The following NANP variants were observed in gnomAD, a reference collection of about 807,000 sequenced individuals.
NANP encodes the protein N-acylneuraminate-9-phosphatase.
Under a neutral mutation model 16.9 loss-of-function variants are expected in NANP, and 15 were observed. That is an observed-to-expected ratio of 0.89 (90% CI 0.59 to 1.37). NANP has a LOEUF of 1.37. Among genes scored for constraint, NANP ranks in the 40% most tolerant of loss-of-function variants. The pLI is 0.00. For synonymous variants in NANP, 135 were observed against 112.6 expected, an observed-to-expected ratio of 1.20 and a Z score of -1.26; for missense variants, 290 against 303.5, an observed-to-expected ratio of 0.96 and a Z score of 0.33.
chr20:25,621,346 CT>C (rs1224187674), intron 1 of NANP, among the ~76,000 whole-genome samples: 3 of 152,196 alleles, frequency 2.0e-5, no homozygotes, highest in Admixed American at 6.5e-5. Context: ...GAAATCTCTT[CT>C]GCTTTGTTCA....
chr20:25,623,909 C>A lies in NANP; in HGVS notation c.40G>T (p.Asp14Tyr). 1 of 1,613,548 alleles carries A rather than the reference C, an allele frequency of 6.2e-7. No individual in the cohort carries two copies. Among genetic ancestry groups the A allele is most frequent in the Non-Finnish European group, 8.5e-7 (1 of 1,179,738 alleles). Residue 14 changes from aspartate (D) to tyrosine (Y), a missense_variant, in exon 1 of 2, where the codon GAC (aspartate) becomes TAC (tyrosine). Asp to Tyr is a radical substitution (Grantham distance 160, BLOSUM62 -3). Coordinates refer to ENST00000304788, the MANE Select transcript of NANP (RefSeq NM_152667.3). Reference sequence around the variant, plus strand: ...CCGGCCGTGTCGATGAGAGTGTTGTCCAAGTCAAAGAAAACCGCCCGCACG... The same window carrying A: ...CCGGCCGTGTCGATGAGAGTGTTGTACAAGTCAAAGAAAACCGCCCGCACG... ...SRVRAVFFDLDNTLIDTAGAS... is the reference protein window; with the variant it reads ...SRVRAVFFDLYNTLIDTAGAS...
chr20:25,617,478 T>G (rs1282657017), intron 1 of NANP, among the ~76,000 whole-genome samples: 1 of 151,980 alleles, frequency 6.6e-6, no homozygotes. Flanking sequence ...TCCAAATTAC[T>G]AGGATTACAG....
Position 25,623,885 on chromosome 20 carries a change from C to A in NANP, c.64G>T (p.Gly22Trp), listed in dbSNP as rs1197989247. The A allele has an allele frequency of 6.2e-7, 1 of 1,613,640 alleles. No homozygotes were observed. The highest frequency in any genetic ancestry group is 8.5e-7 in the Non-Finnish European group (1 of 1,179,794). The change falls in exon 1 of 2, where the codon GGG becomes TGG. Residue 22 changes from glycine to tryptophan, a missense_variant. Gly to Trp is a radical substitution (Grantham distance 184, BLOSUM62 -2). Coordinates refer to ENST00000304788, the MANE Select transcript of NANP (RefSeq NM_152667.3). ...TCCAACATGCCTCTCCTGCTCGCCCCGGCCGTGTCGATGAGAGTGTTGTCC... is the reference window on the plus strand; with the variant it reads ...TCCAACATGCCTCTCCTGCTCGCCCAGGCCGTGTCGATGAGAGTGTTGTCC... ...DLDNTLIDTAGASRRGMLEVI... is the reference protein window; with the variant it reads ...DLDNTLIDTAWASRRGMLEVI...
chr20:25,621,883 T>G (rs1041494844), intron 1 of NANP, among the ~76,000 whole-genome samples: 13 of 152,196 alleles, frequency 8.5e-5, no homozygotes, highest in African/African-American at 3.1e-4. Flanking sequence ...TGATTTGTAA[T>G]TATAAAGGAG....
rs1264947122 is a variant in NANP at position 25,623,880 on chromosome 20, C to T, written c.69G>A (p.Ala23=). The change falls in exon 1 of 2, where the codon GCG becomes GCA. Residue 23 remains alanine, a synonymous_variant. Coordinates refer to ENST00000304788, the MANE Select transcript of NANP (RefSeq NM_152667.3). ...TTACCTCCAACATGCCTCTCCTGCT[C>T]GCCCCGGCCGTGTCGATGAGAGTGT... is the stretch of plus-strand genomic sequence containing the variant. ...LDNTLIDTAG[A]SRRGMLEVIK... 2 of 1,613,642 alleles carry T rather than the reference C, an allele frequency of 1.2e-6. No individual in the cohort carries two copies. Among genetic ancestry groups the T allele is most frequent in the African/African-American group, 1.3e-5 (1 of 75,040 alleles).
At chr20:25,620,329 A>G (rs1462996126) in intron 1 of NANP, among the ~76,000 whole-genome samples, 1 of 152,164 alleles carries the variant, frequency 6.6e-6, no homozygotes, top group African/African-American at 2.4e-5. Context: ...CGCTGGCCTG[A>G]AGAAAGGGGC....
rs2065381114 is a variant in NANP at position 25,623,996 on chromosome 20, C to G, written c.-48G>C. On this transcript the variant is annotated 5_prime_UTR_variant, in exon 1 of 2. An upstream start codon of the reference 5' UTR is lost. Coordinates refer to ENST00000304788, the MANE Select transcript of NANP (RefSeq NM_152667.3). ...CGTAGCCTTGCCACCGCCGCCTGCG[C>G]ATGCGCAAGGCGGACTGCCCAGAGA... is the stretch of plus-strand genomic sequence containing the variant. The G allele has an allele frequency of 8.2e-6, 13 of 1,584,888 alleles. No homozygotes were observed. Among genetic ancestry groups the G allele is most frequent in the Non-Finnish European group, 1.1e-5 (13 of 1,159,702 alleles).
At chr20:25,620,613 A>G (rs1351817382) in intron 1 of NANP, among the ~76,000 whole-genome samples, 1 of 152,252 alleles carries the variant, frequency 6.6e-6, no homozygotes, top group Non-Finnish European at 1.5e-5. Flanking sequence ...TCATTTGGAT[A>G]TGAAGCGTAT....
intron 1 of NANP, among the ~76,000 whole-genome samples, chr20:25,618,001 G>T (rs2065350280): frequency 6.6e-6 from 1 of 152,136 alleles, no homozygotes; most frequent in African/African-American, 2.4e-5. Context: ...CTGCAAGACA[G>T]TTCCATGTTC....
At chr20:25,617,126 C>T (rs753991044) in intron 1 of NANP, among the ~76,000 whole-genome samples, 16 of 152,196 alleles carry the variant, frequency 1.1e-4, no homozygotes, top group Non-Finnish European at 1.6e-4. Context: ...AAAAATAACA[C>T]TTAGTTCATC....
rs2065331491 is a variant in NANP at position 25,613,879 on chromosome 20, C to T, written c.*2046G>A. ...AGCATAATGAATGTGACACTGCCTA[C>T]ATCCATCCTGTGGGAGAGTTAAAAG... is the stretch of plus-strand genomic sequence containing the variant. On this transcript the variant is annotated 3_prime_UTR_variant, in exon 2 of 2. Coordinates refer to ENST00000304788, the MANE Select transcript of NANP (RefSeq NM_152667.3). 1 of 398,456 alleles carries T rather than the reference C, an allele frequency of 2.5e-6. No homozygotes were observed. Among genetic ancestry groups the T allele is most frequent in the Non-Finnish European group, 4.4e-6 (1 of 226,052 alleles). 24.7% of individuals were successfully genotyped at this position (398,456 alleles called of 1,614,324 possible). A position where few individuals can be genotyped will look rare whatever the true frequency, so the allele number is the denominator to read the frequency against.
At chr20:25,616,697 G>T in intron 1 of NANP, 116 bp from the exon 2 acceptor site, 1 of 787,338 alleles carries the variant, frequency 1.3e-6, no homozygotes, top group Non-Finnish European at 2.0e-6. Context: ...CTGCTTTAAA[G>T]CAGCTACTAA....
Position 25,616,276 on chromosome 20 carries a change from A to G in NANP, c.396T>C (p.Asn132=). ...TCTCCCTCTGGGTCTGTCTGTCCCC[A>G]TTCGTTAATAGAAGTAGGCGGACCT... The part of the protein sequence containing the change: ...RKEVRLLLLT[N]GDRQTQREKI... Residue 132 remains asparagine (N), a synonymous_variant, in exon 2 of 2, where the codon AAT becomes AAC. Coordinates refer to ENST00000304788, the MANE Select transcript of NANP (RefSeq NM_152667.3). The G allele has an allele frequency of 6.2e-7, 1 of 1,614,160 alleles. No individual in the cohort carries two copies. The highest frequency in any genetic ancestry group is 8.5e-7 in the Non-Finnish European group (1 of 1,180,032).
chr20:25,620,823 C>CT lies in NANP; in HGVS notation c.90+3035dup, dbSNP rs571444441. 1.3e-3 allele frequency among the ~76,000 whole-genome samples: 186 copies of CT among 147,234 alleles called. 1 individual carries two copies. Among genetic ancestry groups the CT allele is most frequent in the Middle Eastern group, 7.1e-3 (2 of 280 alleles). ...GGTTGCAGAGGGGATAGAGGCCCCC[C>CT]TTTTTTTTTTTTCCATTAAATGAAG... On this transcript the variant is annotated intron_variant, in intron 1 of 1. Transcript: ENST00000304788.
At chr20:25,621,123 C>T (rs1367692325) in intron 1 of NANP, among the ~76,000 whole-genome samples, 2 of 152,128 alleles carry the variant, frequency 1.3e-5, no homozygotes, top group African/African-American at 4.8e-5. Flanking sequence ...AACACGCTCA[C>T]AAAATGAGGC....
At chr20:25,623,719 C>A in intron 1 of NANP, 140 bp downstream of exon 1, 2 of 807,004 alleles carry the variant, frequency 2.5e-6, no homozygotes, top group South Asian at 1.9e-5. Flanking sequence ...CACCTCCGCA[C>A]CCGCACGCTC....
At chr20:25,619,424 A>C (rs2065356688) in intron 1 of NANP, among the ~76,000 whole-genome samples, 1 of 152,128 alleles carries the variant, frequency 6.6e-6, no homozygotes, top group South Asian at 2.1e-4. Flanking sequence ...GCCTGGCTGA[A>C]AGGAAAATAT....
In NANP at chr20:25,616,425, T is replaced by C. The variant is rs200291362; in HGVS notation, c.247A>G (p.Thr83Ala). ...TTTCTATTGGCTGCACCACCTTTTG[T>C]TTCCTGGATTGCTTCTTCCCAATGT... is the stretch of plus-strand genomic sequence containing the variant. ...TSHWEEAIQETKGGAANRKLA... is the reference protein window; with the variant it reads ...TSHWEEAIQEAKGGAANRKLA... The change falls in exon 2 of 2, where the codon ACA becomes GCA. Residue 83 changes from threonine to alanine, a missense_variant. By Grantham distance (58) the Thr-to-Ala change is moderately conservative (BLOSUM62 0). Coordinates refer to ENST00000304788, the MANE Select transcript of NANP (RefSeq NM_152667.3). 55 of 1,614,076 alleles carry C rather than the reference T, an allele frequency of 3.4e-5. No individual in the cohort carries two copies. The highest frequency in any genetic ancestry group is 4.2e-5 in the Non-Finnish European group (49 of 1,180,048).
chr20:25,623,501 C>A (rs959020681), intron 1 of NANP, among the ~76,000 whole-genome samples: 1 of 152,236 alleles, frequency 6.6e-6, no homozygotes, highest in Non-Finnish European at 1.5e-5. Context: ...GACAGTCTGA[C>A]CGGGGGCGGG....
Sources: gnomAD v4.1 joint callset for allele counts (sites outside exome capture counted in the v4.1 genomes callset) on GRCh38, gnomAD v4.1.1 for gene constraint, MANE v1.5 for transcripts, NCBI Gene and HGNC (gene_info 2026-07-23, HGNC 2026-07-21) for gene names.